MORN4: variants seen among roughly 807,000 people sequenced by gnomAD.
MORN4 encodes the protein MORN repeat-containing protein 4.
MORN4 carries 8 observed loss-of-function variants against 16.4 expected under a neutral mutation model. The observed-to-expected ratio is 0.49, with a 90% CI of 0.29 to 0.88. The LOEUF (loss-of-function observed/expected upper bound fraction) is 0.88. MORN4 is among the 40% of genes least tolerant of loss of function. MORN4 has a pLI of 0.09. For missense variants in MORN4, 159 were observed against 182.9 expected (o/e 0.87, Z 0.75); for synonymous variants, 53 against 68.9 (o/e 0.77, Z 1.14).
rs1186539789 is a variant in MORN4, at chr10:97,626,524, C to T, written c.-31+6823G>A. Reference sequence around the variant, plus strand: ...AGACTGGAGTGCAGTGGTGCAATGTCGGCTCACTGCAACCTCCACCTCCCG... The same window carrying T: ...AGACTGGAGTGCAGTGGTGCAATGTTGGCTCACTGCAACCTCCACCTCCCG... On this transcript the variant is annotated intron_variant, in intron 1 of 4. Transcript: ENST00000307450. 3.4e-5 allele frequency among the ~76,000 whole-genome samples: 5 copies of T among 148,802 alleles called. No homozygotes were observed. In the East Asian group the frequency reaches 6.0e-4, roughly 18 times the overall value.
At chr10:97,633,640 G>A, upstream of MORN4, 1 of 1,282,544 alleles carries the variant, frequency 7.8e-7, no homozygotes, top group Non-Finnish European at 1.0e-6. This position sits in a 1 kb window ranked among gnomAD's most constrained non-coding sequence, Gnocchi z 4.5. Context: ...TGAAAGAGGG[G>A]TGGTCCCACC....
intron 1 of MORN4, among the ~76,000 whole-genome samples, chr10:97,622,858 C>CATTTATTTATTT (rs138978764): frequency 0.15 from 20,561 of 138,322 alleles, 1,969 homozygotes; most frequent in African/African-American, 0.25. Context: ...CTTCATCTTT[C>CATTTATTTATTT]ATTTATTTAT....
At chr10:97,632,591 C>G (rs1170863810) in intron 1 of MORN4, among the ~76,000 whole-genome samples, 2 of 151,980 alleles carry the variant, frequency 1.3e-5, no homozygotes, top group African/African-American at 2.4e-5. Flanking sequence ...CCTCCTCTTT[C>G]CTCATGTGAA....
At chr10:97,619,718 G>A in intron 1 of MORN4, 35 bp from the exon 2 acceptor site, 6 of 1,551,860 alleles carry the variant, frequency 3.9e-6, no homozygotes, top group Non-Finnish European at 4.4e-6. Context: ...CCAGTGTCAT[G>A]GAATGGCGGG....
chr10:97,633,390 G>T lies in MORN4; in HGVS notation c.-74C>A. ...GATGACCGTCACGCCTGGACGCAGG[G>T]TTCCAGCGCCTCGGACTTTTCCTCT... On this transcript the variant is annotated 5_prime_UTR_variant, in exon 1 of 5. Coordinates refer to ENST00000307450, the MANE Select transcript of MORN4 (RefSeq NM_178832.4). The surrounding 1 kb of genome is among the most constrained non-coding windows in gnomAD (Gnocchi z 4.5). The T allele has an allele frequency of 1.6e-6, 2 of 1,289,890 alleles. No individual in the cohort carries two copies. The highest frequency in any genetic ancestry group is 1.2e-5 in the South Asian group (1 of 81,034). The allele number at this position is 1,289,890 out of a possible 1,614,324, so 79.9% of individuals were successfully genotyped here.
upstream of MORN4, among the ~76,000 whole-genome samples, chr10:97,633,846 G>T (rs2041419267): frequency 6.6e-6 from 1 of 152,248 alleles, no homozygotes; most frequent in Non-Finnish European, 1.5e-5. The surrounding 1 kb of genome is among the most constrained non-coding windows in gnomAD (Gnocchi z 4.5). Context: ...CCTAAATCCA[G>T]CTTCAGAGAG....
rs1449683898 is a variant in MORN4 at position 97,622,705 on chromosome 10, A to AAAAAAAAAC, written c.-30-3023_-30-3022insGTTTTTTTT. Among the ~76,000 whole-genome samples, 43 of 151,320 alleles carry AAAAAAAAAC rather than the reference A, an allele frequency of 2.8e-4. 1 individual carries two copies. Among genetic ancestry groups the AAAAAAAAAC allele is most frequent in the African/African-American group, 9.0e-4 (37 of 41,136 alleles). On this transcript the variant is annotated intron_variant, in intron 1 of 4. Transcript: ENST00000307450. ...GGAGACCCTGTCTCAAAAAAAAAAA[A>AAAAAAAAAC]AAAAACGGAAGAAGAAGAAGAGGGA...
At position 97,624,508 on chromosome 10, in the gene MORN4, T is replaced by G. The variant is rs570197094; in HGVS notation, c.-30-4825A>C. Among the ~76,000 whole-genome samples the G allele has an allele frequency of 1.1e-3, 166 of 152,276 alleles. 1 individual carries two copies. The highest frequency in any genetic ancestry group is 3.9e-3 in the African/African-American group (161 of 41,568). ...ATTAGAGCTCACTGCAGTCTCAAAC[T>G]TCTGGGCTAAAGTGATCCTCCCGCT... On this transcript the variant is annotated intron_variant, in intron 1 of 4. Coordinates refer to ENST00000307450, the MANE Select transcript of MORN4 (RefSeq NM_178832.4).
Position 97,616,622 on chromosome 10 carries a change from A to G in MORN4, c.292+56T>C, listed in dbSNP as rs1421170439. 10 of 1,425,374 alleles carry G rather than the reference A, an allele frequency of 7.0e-6. No individual in the cohort carries two copies. In the Admixed American group the frequency reaches 1.7e-4, roughly 24 times the overall value. 88.3% of individuals were successfully genotyped at this position (1,425,374 alleles called of 1,614,324 possible). ...CGCAGGATTAAAACTAAACAGGTAT[A>G]TTTCCACCCATATTATGCCCACCTA... On this transcript the variant is annotated intron_variant, in intron 4 of 4. Coordinates refer to ENST00000307450, the MANE Select transcript of MORN4 (RefSeq NM_178832.4).
intron 1 of MORN4, among the ~76,000 whole-genome samples, chr10:97,626,379 AAATAAT>A (rs77465738): frequency 0.33 from 34,506 of 103,400 alleles, 4,395 homozygotes; most frequent in East Asian, 0.44. Context: ...TCTGACTCAA[AAATAAT>A]AATAATAATA....
upstream of MORN4, chr10:97,633,573 C>A (rs1188155286): frequency 1.6e-6 from 2 of 1,289,852 alleles, no homozygotes; most frequent in African/African-American, 1.5e-5. This position sits in a 1 kb window ranked among gnomAD's most constrained non-coding sequence, Gnocchi z 4.5. Context: ...TTGGCCCAGC[C>A]CGGCTCCACG....
In MORN4 at chr10:97,619,643, G is replaced by A; in HGVS notation, c.11C>T (p.Thr4Ile). The change falls in exon 2 of 5, where the codon ACA (threonine) becomes ATA (isoleucine). Residue 4 changes from threonine to isoleucine, a missense_variant. Coordinates refer to ENST00000307450, the MANE Select transcript of MORN4 (RefSeq NM_178832.4). Reference sequence around the variant, plus strand: ...ACTGGAGTAGGTGAAGGAACCTTTTGTCAGGGTCATGGTGACAGATTACAG... The same window carrying A: ...ACTGGAGTAGGTGAAGGAACCTTTTATCAGGGTCATGGTGACAGATTACAG... MTLTKGSFTYSSGE... is the reference protein window; with the variant it reads MTLIKGSFTYSSGE... 6.2e-7 allele frequency: 1 copy of A among 1,614,094 alleles called. No homozygotes were observed. The highest frequency in any genetic ancestry group is 8.5e-7 in the Non-Finnish European group (1 of 1,179,954).
At chr10:97,619,511 G>T in intron 2 of MORN4, 76 bp downstream of exon 2, 1 of 984,586 alleles carries the variant, frequency 1.0e-6, no homozygotes, top group Non-Finnish European at 1.7e-6. Flanking sequence ...CCATAAAGTT[G>T]GCTATATATC....
chr10:97,633,661 A>G (rs1253001940), upstream of MORN4: 2 of 1,259,778 alleles, frequency 1.6e-6, no homozygotes, highest in African/African-American at 3.1e-5. This position sits in a 1 kb window ranked among gnomAD's most constrained non-coding sequence, Gnocchi z 4.5. Flanking sequence ...TCTGCAACGC[A>G]GATAAAGACA....
upstream of MORN4, among the ~76,000 whole-genome samples, chr10:97,634,024 C>T (rs1386773793): frequency 6.6e-6 from 1 of 152,196 alleles, no homozygotes; most frequent in East Asian, 1.9e-4. Context: ...CGCAGTGGCT[C>T]ACATCTGTAA....
rs9804386 is a variant in MORN4, at chr10:97,615,283, T to C, written c.*980A>G. The C allele has an allele frequency of 0.28, 43,053 of 152,238 alleles. 7,044 individuals carry two copies. The highest frequency in any genetic ancestry group is 0.45 in the African/African-American group (18,597 of 41,426). 9.4% of individuals were successfully genotyped at this position (152,238 alleles called of 1,614,324 possible). On this transcript the variant is annotated 3_prime_UTR_variant, in exon 5 of 5. Transcript: ENST00000307450. The stretch of plus-strand genomic sequence containing the variant: ...ATTCCAACCAGCATGAGGAGTAACA[T>C]ATGGAAAAGCTCTGCCAGCCAGGCA...
At chr10:97,632,509 G>A (rs2041405589) in intron 1 of MORN4, among the ~76,000 whole-genome samples, 1 of 151,954 alleles carries the variant, frequency 6.6e-6, no homozygotes, top group Non-Finnish European at 1.5e-5. Context: ...GAGCCACCGC[G>A]CCCGGCCTAA....
intron 1 of MORN4, among the ~76,000 whole-genome samples, chr10:97,624,973 G>C (rs929980912): frequency 6.6e-6 from 1 of 152,150 alleles, no homozygotes; most frequent in East Asian, 1.9e-4. Context: ...GAATACAGGC[G>C]TGAGTCACCG....
intron 1 of MORN4, among the ~76,000 whole-genome samples, chr10:97,630,894 C>G (rs1329524870): frequency 6.6e-6 from 1 of 152,082 alleles, no homozygotes; most frequent in South Asian, 2.1e-4. Context: ...CTCTGTCATC[C>G]AAGCTGGAGT....
Sources: gnomAD v4.1 joint callset for allele counts (sites outside exome capture counted in the v4.1 genomes callset) on GRCh38, gnomAD v4.1.1 for gene constraint, Gnocchi (gnomAD v3.1) non-coding constraint, MANE v1.5 for transcripts, NCBI Gene and HGNC (gene_info 2026-07-23, HGNC 2026-07-21) for gene names.